The following CLMN variants were observed in gnomAD, a reference collection of about 807,000 sequenced individuals.
CLMN encodes calmin.
CLMN carries 57 observed loss-of-function variants against 92.7 expected under a neutral mutation model. That is an observed-to-expected ratio of 0.61 (90% CI 0.50 to 0.77). The LOEUF (loss-of-function observed/expected upper bound fraction) is 0.77. CLMN is among the 30% of genes least tolerant of loss of function. The pLI is 0.00. For synonymous variants in CLMN, 466 were observed against 470.6 expected, an observed-to-expected ratio of 0.99 and a Z score of 0.13; for missense variants, 1,158 against 1,237.5, an observed-to-expected ratio of 0.94 and a Z score of 0.96.
At chr14:95,235,655 A>G (rs1174136227) in intron 1 of CLMN, among the ~76,000 whole-genome samples, 1 of 152,184 alleles carries the variant, frequency 6.6e-6, no homozygotes, top group Non-Finnish European at 1.5e-5. Flanking sequence ...TTAGTCACTG[A>G]ATTCATACAG....
chr14:95,263,018 T>C (rs529150682), intron 1 of CLMN, among the ~76,000 whole-genome samples: 351 of 152,330 alleles, frequency 2.3e-3, no homozygotes, highest in African/African-American at 7.9e-3. Flanking sequence ...GCTCCCAGGC[T>C]CAGCCTGTGC....
At chr14:95,208,460 A>C (rs1423079702) in intron 8 of CLMN, among the ~76,000 whole-genome samples, 1 of 152,258 alleles carries the variant, frequency 6.6e-6, no homozygotes, top group Non-Finnish European at 1.5e-5. Context: ...GAAAATAAAA[A>C]GGCAAACTTT....
chr14:95,252,279 A>G (rs1898819610), intron 1 of CLMN, among the ~76,000 whole-genome samples: 1 of 152,200 alleles, frequency 6.6e-6, no homozygotes, highest in Admixed American at 6.6e-5. Flanking sequence ...GAGGGTGGGA[A>G]AGCTGCTCCC....
chr14:95,301,603 C>G (rs1901059172), intron 1 of CLMN, among the ~76,000 whole-genome samples: 1 of 152,196 alleles, frequency 6.6e-6, no homozygotes, highest in South Asian at 2.1e-4. Context: ...ACCCCCTACT[C>G]CCTCATCCCC....
Position 95,203,567 on chromosome 14 carries a change from A to C in CLMN, c.1782T>G (p.Asp594Glu). 1.9e-6 allele frequency: 3 copies of C among 1,614,172 alleles called. No individual in the cohort carries two copies. Among genetic ancestry groups the C allele is most frequent in the Non-Finnish European group, 2.5e-6 (3 of 1,180,032 alleles). ...CAGCATGATTCTCAAAAGCCTCAGC[A>C]TCCTCGTCAGGTTTTGTCTCATGAG... Reference protein sequence around the residue: ...PSPHETKPDEDAEAFENHAEK... With the variant: ...PSPHETKPDEEAEAFENHAEK... Residue 594 changes from aspartate to glutamate, a missense_variant, in exon 9 of 13, where the codon GAT (aspartate) becomes GAG (glutamate). Transcript: ENST00000298912.
At chr14:95,193,721 C>G in intron 12 of CLMN, 128 bp downstream of exon 12, 1 of 1,152,516 alleles carries the variant, frequency 8.7e-7, no homozygotes, top group Non-Finnish European at 1.2e-6. Context: ...TATTTTCTTG[C>G]ATTATCCCAA....
chr14:95,245,801 TGGATGGATGGATGGAC>T (rs1351976169), intron 1 of CLMN, among the ~76,000 whole-genome samples: 16 of 147,032 alleles, frequency 1.1e-4, no homozygotes, highest in African/African-American at 3.3e-4. Flanking sequence ...GATTATTGGA[TGGATGGATGGATGGAC>T]GGATGGATGG....
chr14:95,240,798 T>A (rs796533979), intron 1 of CLMN, among the ~76,000 whole-genome samples: 6 of 152,236 alleles, frequency 3.9e-5, no homozygotes, highest in African/African-American at 1.4e-4. Flanking sequence ...GGAAACTGAG[T>A]CTCAGAGAGG....
chr14:95,242,244 C>CTTTTTTTTTTTT (rs1595614526), intron 1 of CLMN, among the ~76,000 whole-genome samples: 3 of 98,866 alleles, frequency 3.0e-5, no homozygotes, highest in Non-Finnish European at 4.2e-5. Flanking sequence ...TTTCTTTTTT[C>CTTTTTTTTTTTT]TTTTTCTTTT....
At position 95,213,303 on chromosome 14, in the gene CLMN, G is replaced by A. The variant is rs756175541; in HGVS notation, c.524C>T (p.Ala175Val). The change falls in exon 6 of 13, where the codon GCA becomes GTA. Residue 175 changes from alanine to valine, a missense_variant. By Grantham distance (64) the Ala-to-Val change is moderately conservative. Transcript: ENST00000298912. ...CACCGATATTGCCACGCTCCTCTCT[G>A]CAGTGGGTGTGGGTGGGAAGGATGA... is the stretch of plus-strand genomic sequence containing the variant. ...SDSSFPPTPT[A>V]ERSVAISVKD... The A allele has an allele frequency of 6.2e-7, 1 of 1,614,036 alleles. No individual in the cohort carries two copies. Among genetic ancestry groups the A allele is most frequent in the Non-Finnish European group, 8.5e-7 (1 of 1,179,968 alleles).
intron 11 of CLMN, 48 bp from the exon 12 acceptor site, chr14:95,193,967 G>C: frequency 6.2e-7 from 1 of 1,600,348 alleles, no homozygotes; most frequent in Non-Finnish European, 8.5e-7. Context: ...AATTAGTAAA[G>C]ATGAAATCTC....
chr14:95,270,189 T>C (rs540874580), intron 1 of CLMN, among the ~76,000 whole-genome samples: 1 of 152,370 alleles, frequency 6.6e-6, no homozygotes, highest in African/African-American at 2.4e-5. Context: ...GCTGTCTTTG[T>C]TGACCATCTC....
intron 4 of CLMN, among the ~76,000 whole-genome samples, chr14:95,220,209 C>T (rs528278556): frequency 1.6e-5 from 2 of 123,568 alleles, no homozygotes; most frequent in South Asian, 2.7e-4. Context: ...CAAAGTCTCG[C>T]TCTGTTGCTC....
chr14:95,262,877 T>A (rs541221613), intron 1 of CLMN, among the ~76,000 whole-genome samples: 1 of 152,216 alleles, frequency 6.6e-6, no homozygotes. Flanking sequence ...CCCCATTTTC[T>A]GGATGAGAAA....
chr14:95,309,510 G>A (rs575530439), intron 1 of CLMN, among the ~76,000 whole-genome samples: 1 of 152,330 alleles, frequency 6.6e-6, no homozygotes, highest in South Asian at 2.1e-4. Context: ...CAGGGCCACA[G>A]GGCATAGATG....
intron 4 of CLMN, among the ~76,000 whole-genome samples, chr14:95,220,408 C>T (rs905548615): frequency 6.6e-6 from 1 of 152,124 alleles, no homozygotes; most frequent in African/African-American, 2.4e-5. Flanking sequence ...AACTCCTGAC[C>T]TCAGGTGATC....
At chr14:95,263,380 C>T (rs112816374) in intron 1 of CLMN, among the ~76,000 whole-genome samples, 5 of 152,194 alleles carry the variant, frequency 3.3e-5, no homozygotes, top group African/African-American at 7.2e-5. Context: ...TCCCATGGCA[C>T]GTGGGGATTA....
At chr14:95,241,518 C>A (rs1014409446) in intron 1 of CLMN, among the ~76,000 whole-genome samples, 6 of 152,152 alleles carry the variant, frequency 3.9e-5, no homozygotes, top group Middle Eastern at 3.2e-3. Context: ...CTTCTACCTG[C>A]CAACAAAAAG....
chr14:95,262,120 C>A (rs1376544481), intron 1 of CLMN, among the ~76,000 whole-genome samples: 1 of 152,218 alleles, frequency 6.6e-6, no homozygotes, highest in Non-Finnish European at 1.5e-5. Context: ...CCACGTGTCT[C>A]CCCACATCGT....
Sources: gnomAD v4.1 joint callset for allele counts (sites outside exome capture counted in the v4.1 genomes callset) on GRCh38, gnomAD v4.1.1 for gene constraint, MANE v1.5 for transcripts, NCBI Gene and HGNC (gene_info 2026-07-23, HGNC 2026-07-21) for gene names.